The following UNC5C variants were observed in gnomAD, a reference collection of about 807,000 sequenced individuals.
UNC5C encodes netrin receptor UNC5C.
In UNC5C, 47 loss-of-function variants were observed where a neutral mutation model predicts 99.8. That is an observed-to-expected ratio of 0.47 (90% confidence interval 0.37 to 0.60). The LOEUF (loss-of-function observed/expected upper bound fraction) is 0.60, where lower values mean the gene tolerates loss of function less well. UNC5C is among the 20% of genes least tolerant of loss of function. UNC5C has a pLI of 0.00. For missense variants in UNC5C, 1,062 were observed against 1,165.9 expected (o/e 0.91, Z 1.30); for synonymous variants, 487 against 452.2 (o/e 1.08, Z -0.98).
chr4:95,251,531 C>G (rs1222348311), intron 4 of UNC5C, among the ~76,000 whole-genome samples: 2 of 152,138 alleles, frequency 1.3e-5, no homozygotes, highest in Non-Finnish European at 2.9e-5. Context: ...CCTGTATAAG[C>G]TGTTCTTCTG....
At chr4:95,383,348 T>A (rs1195466119) in intron 1 of UNC5C, among the ~76,000 whole-genome samples, 1 of 152,146 alleles carries the variant, frequency 6.6e-6, no homozygotes, top group Non-Finnish European at 1.5e-5. Context: ...TCCAAACTAA[T>A]GAACAAGCAC....
intron 2 of UNC5C, among the ~76,000 whole-genome samples, chr4:95,330,062 T>C (rs1341158922): frequency 6.6e-6 from 1 of 152,162 alleles, no homozygotes; most frequent in African/African-American, 2.4e-5. Context: ...GAATAAACTA[T>C]TTTCCTCACT....
At chr4:95,350,697 AT>A (rs1743956672) in intron 1 of UNC5C, among the ~76,000 whole-genome samples, 1 of 152,178 alleles carries the variant, frequency 6.6e-6, no homozygotes, top group African/African-American at 2.4e-5. Flanking sequence ...GATTTATAAT[AT>A]AGAATAATCT....
At chr4:95,194,508 G>A (rs1325207958) in intron 12 of UNC5C, among the ~76,000 whole-genome samples, 3 of 152,146 alleles carry the variant, frequency 2.0e-5, no homozygotes, top group Non-Finnish European at 4.4e-5. Context: ...CCCGAGAGGA[G>A]AATCTGTACT....
intron 1 of UNC5C, among the ~76,000 whole-genome samples, chr4:95,405,531 C>T (rs1483116231): frequency 6.6e-6 from 1 of 152,196 alleles, no homozygotes; most frequent in Non-Finnish European, 1.5e-5. Context: ...TTCCTCCTTG[C>T]TAGTTGCTGC....
intron 1 of UNC5C, among the ~76,000 whole-genome samples, chr4:95,406,981 A>G (rs1745848063): frequency 1.3e-5 from 2 of 152,198 alleles, no homozygotes; most frequent in Non-Finnish European, 2.9e-5. Flanking sequence ...GGACATTTTT[A>G]GGGGCTTCAA....
At chr4:95,416,090 T>C (rs1341833671) in intron 1 of UNC5C, among the ~76,000 whole-genome samples, 2 of 152,040 alleles carry the variant, frequency 1.3e-5, no homozygotes, top group African/African-American at 4.8e-5. Flanking sequence ...TTTGTGAATG[T>C]TCGGAGGGCA....
chr4:95,195,558 C>T (rs769150534), intron 12 of UNC5C, among the ~76,000 whole-genome samples: 23 of 152,168 alleles, frequency 1.5e-4, no homozygotes, highest in East Asian at 3.9e-4. Context: ...AAGAAGCAAG[C>T]GTGAGGAGTT....
intron 4 of UNC5C, among the ~76,000 whole-genome samples, chr4:95,264,695 C>T (rs1290931818): frequency 2.0e-5 from 3 of 152,176 alleles, no homozygotes; most frequent in Non-Finnish European, 4.4e-5. Context: ...CTCATTCACT[C>T]TTCCATTTAG....
chr4:95,357,614 T>A (rs1744254254), intron 1 of UNC5C, among the ~76,000 whole-genome samples: 1 of 151,910 alleles, frequency 6.6e-6, no homozygotes, highest in South Asian at 2.1e-4. Context: ...AAGACCTCTG[T>A]CTCTACAAAA....
At chr4:95,236,819 C>T (rs538512235) in intron 7 of UNC5C, among the ~76,000 whole-genome samples, 2 of 152,174 alleles carry the variant, frequency 1.3e-5, no homozygotes, top group South Asian at 4.1e-4. Context: ...AATGGAAGTA[C>T]TATGTGTTAC....
chr4:95,545,568 G>C (rs1723035629), intron 1 of UNC5C, among the ~76,000 whole-genome samples: 2 of 151,862 alleles, frequency 1.3e-5, no homozygotes, highest in South Asian at 4.2e-4. Flanking sequence ...AAAAAACTAT[G>C]AATTAAGATA....
At chr4:95,334,401 A>T (rs939719367) in intron 2 of UNC5C, among the ~76,000 whole-genome samples, 1 of 151,950 alleles carries the variant, frequency 6.6e-6, no homozygotes, top group Admixed American at 6.6e-5. Flanking sequence ...AAATGCTTCA[A>T]TTTTTGTCAT....
chr4:95,168,992 T>A lies in UNC5C; in HGVS notation c.*242A>T. 2 of 496,356 alleles carry A rather than the reference T, an allele frequency of 4.0e-6. No homozygotes were observed. Among genetic ancestry groups the A allele is most frequent in the Non-Finnish European group, 7.2e-6 (2 of 278,920 alleles). The allele number at this position is 496,356 out of a possible 1,614,324, so 30.7% of individuals were successfully genotyped here. On this transcript the variant is annotated 3_prime_UTR_variant, in exon 16 of 16. Coordinates refer to ENST00000453304, the MANE Select transcript of UNC5C (RefSeq NM_003728.4). ...GCATACAGCCCAACTAAGAGGAAAA[T>A]TAGGTTGATAGCTAAATTCAAGGTA...
At chr4:95,535,822 A>G (rs7686136) in intron 1 of UNC5C, among the ~76,000 whole-genome samples, 1,719 of 152,086 alleles carry the variant, frequency 0.011, 23 homozygotes, top group East Asian at 0.044. Flanking sequence ...GGGTGCACAC[A>G]TACATACAAA....
intron 6 of UNC5C, among the ~76,000 whole-genome samples, chr4:95,243,687 G>A (rs1739405142): frequency 6.6e-6 from 1 of 152,100 alleles, no homozygotes; most frequent in African/African-American, 2.4e-5. Context: ...TGTGTATAAT[G>A]TGGATATGGT....
At chr4:95,242,322 TTTA>T in intron 7 of UNC5C, 104 bp downstream of exon 7, 1 of 1,450,496 alleles carries the variant, frequency 6.9e-7, no homozygotes, top group South Asian at 1.3e-5. Flanking sequence ...GTTATTGCAT[TTTA>T]TTGTTGTTGA....
chr4:95,264,310 T>C (rs187700523), intron 4 of UNC5C, among the ~76,000 whole-genome samples: 1 of 152,212 alleles, frequency 6.6e-6, no homozygotes, highest in Non-Finnish European at 1.5e-5. Flanking sequence ...CTGAAGACCA[T>C]GCCCAATTGA....
Position 95,202,730 on chromosome 4 carries a change from C to A in UNC5C, c.2136+1G>T. 1.2e-6 allele frequency: 2 copies of A among 1,613,810 alleles called. No homozygotes were observed. The highest frequency in any genetic ancestry group is 1.7e-6 in the Non-Finnish European group (2 of 1,179,834). On this transcript the variant is annotated splice_donor_variant, in intron 12 of 15. Coordinates refer to ENST00000453304, the MANE Select transcript of UNC5C (RefSeq NM_003728.4). LOFTEE classifies it high-confidence loss of function. ...GGGCAGGCTAGGTGGGAGGCACTTA[C>A]CTTCAGGGCATCCTGGGTGTCATCC...
Sources: gnomAD v4.1 joint callset for allele counts (sites outside exome capture counted in the v4.1 genomes callset) on GRCh38, gnomAD v4.1.1 for gene constraint, MANE v1.5 for transcripts, NCBI Gene and HGNC (gene_info 2026-07-23, HGNC 2026-07-21) for gene names.